The following CCDC178 variants were observed in gnomAD, a reference collection of about 807,000 sequenced individuals.
CCDC178 encodes coiled-coil domain-containing protein 178.
A neutral mutation model predicts 117.4 loss-of-function variants in CCDC178; 126 were observed. The observed-to-expected ratio is 1.07, with a 90% CI of 0.93 to 1.24. The LOEUF (loss-of-function observed/expected upper bound fraction) is 1.24. Among genes scored for constraint, CCDC178 ranks in the 50% most tolerant of loss-of-function variants. The pLI is 0.00. For missense variants in CCDC178, 1,030 were observed against 986.9 expected (o/e 1.04, Z -0.59); for synonymous variants, 283 against 313.4 (o/e 0.90, Z 1.02).
intron 2 of CCDC178, 42 bp downstream of exon 2, chr18:33,439,918 CTT>C (rs1477169452): frequency 6.6e-6 from 1 of 152,170 alleles, no homozygotes; most frequent in Admixed American, 6.5e-5. Context: ...CTGGATCTGA[CTT>C]TTGTCAAATC....
chr18:33,090,877 T>A (rs1203216297), intron 21 of CCDC178, among the ~76,000 whole-genome samples: 1 of 152,368 alleles, frequency 6.6e-6, no homozygotes, highest in Admixed American at 6.5e-5. Context: ...TCAGTCCTTG[T>A]ATCTTGCATC....
intron 5 of CCDC178, among the ~76,000 whole-genome samples, chr18:33,378,990 G>T (rs1599244161): frequency 6.6e-6 from 1 of 151,302 alleles, no homozygotes; most frequent in Non-Finnish European, 1.5e-5. Flanking sequence ...TTGATATTTT[G>T]TAATAGTTTC....
chr18:33,326,741 T>A (rs1330460628), intron 10 of CCDC178, among the ~76,000 whole-genome samples: 2 of 151,922 alleles, frequency 1.3e-5, no homozygotes, highest in Non-Finnish European at 2.9e-5. Context: ...ATTGCATACC[T>A]TCTCGGTGGT....
At chr18:33,038,819 C>G (rs2056492988) in intron 21 of CCDC178, among the ~76,000 whole-genome samples, 1 of 151,962 alleles carries the variant, frequency 6.6e-6, no homozygotes, top group Admixed American at 6.6e-5. Flanking sequence ...CCATTCACCT[C>G]TGGCTAATGA....
chr18:33,344,807 A>G (rs1423657604), intron 9 of CCDC178, among the ~76,000 whole-genome samples: 1 of 13,066 alleles, frequency 7.7e-5, no homozygotes, highest in African/African-American at 2.4e-4. Flanking sequence ...TCTAAAGCAC[A>G]CACACACACA....
intron 21 of CCDC178, among the ~76,000 whole-genome samples, chr18:33,009,786 T>C (rs1304703856): frequency 6.6e-6 from 1 of 152,170 alleles, no homozygotes; most frequent in Non-Finnish European, 1.5e-5. Flanking sequence ...ATCTGCAACA[T>C]CTTTGAATAA....
intron 21 of CCDC178, among the ~76,000 whole-genome samples, chr18:33,018,387 C>T (rs1239473733): frequency 1.3e-5 from 2 of 151,978 alleles, no homozygotes; most frequent in African/African-American, 4.8e-5. Flanking sequence ...CATATAGTTA[C>T]TATATAACTC....
At chr18:33,059,040 G>T (rs1301507805) in intron 21 of CCDC178, among the ~76,000 whole-genome samples, 8 of 152,100 alleles carry the variant, frequency 5.3e-5, no homozygotes, top group Admixed American at 5.2e-4. Flanking sequence ...GGAAAGAAGG[G>T]TCAACGACCT....
At chr18:33,414,813 C>A (rs1057141380) in intron 2 of CCDC178, among the ~76,000 whole-genome samples, 1 of 152,122 alleles carries the variant, frequency 6.6e-6, no homozygotes, top group African/African-American at 2.4e-5. Flanking sequence ...TGACAAAGGG[C>A]TAATATCCAG....
At chr18:33,227,544 GTGTGTGTGTGTGTATATA>G (rs1231793999) in intron 15 of CCDC178, among the ~76,000 whole-genome samples, 6 of 85,890 alleles carry the variant, frequency 7.0e-5, no homozygotes, top group Non-Finnish European at 1.3e-4. Context: ...GTGTGTGTGT[GTGTGTGTGTGTGTATATA>G]TATATATATA....
Position 33,008,147 on chromosome 18 carries a change from C to T in CCDC178, c.2389-33466G>A, listed in dbSNP as rs139522232. ...TTGTGCAACTTGAGGTCCAATGACA[C>T]TAAAGTGGGCAAACCAATAATTAGT... On this transcript the variant is annotated intron_variant, in intron 21 of 22. Transcript: ENST00000383096. 2.6e-5 allele frequency among the ~76,000 whole-genome samples: 4 copies of T among 151,148 alleles called. No individual in the cohort carries two copies. The East Asian group carries it at 7.7e-4, about 29-fold the overall frequency.
At chr18:33,033,385 T>C (rs2056383545) in intron 21 of CCDC178, among the ~76,000 whole-genome samples, 1 of 152,078 alleles carries the variant, frequency 6.6e-6, no homozygotes, top group Non-Finnish European at 1.5e-5. Context: ...GTTCTCAATC[T>C]TTCTGCATCT....
chr18:33,295,567 A>C (rs1266959260), intron 11 of CCDC178, among the ~76,000 whole-genome samples: 2 of 152,170 alleles, frequency 1.3e-5, no homozygotes, highest in African/African-American at 4.8e-5. Flanking sequence ...TTATATTTTC[A>C]AAATTAAAGA....
chr18:32,989,839 A>G (rs2144738542), intron 21 of CCDC178, among the ~76,000 whole-genome samples: 1 of 152,254 alleles, frequency 6.6e-6, no homozygotes, highest in Middle Eastern at 3.4e-3. Context: ...AAAAAAATAC[A>G]TATATGTCAA....
chr18:33,344,113 G>A (rs1412862615), intron 9 of CCDC178, among the ~76,000 whole-genome samples: 3 of 150,294 alleles, frequency 2.0e-5, no homozygotes, highest in African/African-American at 7.3e-5. Flanking sequence ...GACCATCCTG[G>A]CTAACAAGGC....
intron 20 of CCDC178, among the ~76,000 whole-genome samples, chr18:33,196,587 A>T (rs1315784565): frequency 6.6e-6 from 1 of 152,024 alleles, no homozygotes; most frequent in East Asian, 1.9e-4. Context: ...TCTGGTGGGG[A>T]CTGTGCTCTC....
At chr18:33,395,208 G>A (rs902563496) in intron 4 of CCDC178, among the ~76,000 whole-genome samples, 1 of 151,050 alleles carries the variant, frequency 6.6e-6, no homozygotes, top group Non-Finnish European at 1.5e-5. Context: ...TAAGTGATTC[G>A]TGAAATCGGA....
intron 20 of CCDC178, among the ~76,000 whole-genome samples, chr18:33,174,618 A>G (rs1011962403): frequency 1.3e-5 from 2 of 152,180 alleles, no homozygotes; most frequent in East Asian, 1.9e-4. Flanking sequence ...CCACCTGAGG[A>G]TAAGACAAAT....
At chr18:33,283,437 T>C (rs1046726295) in intron 12 of CCDC178, among the ~76,000 whole-genome samples, 1 of 151,904 alleles carries the variant, frequency 6.6e-6, no homozygotes, top group Non-Finnish European at 1.5e-5. Flanking sequence ...AATTAAACAG[T>C]TTCTGCACAG....
Sources: allele counts gnomAD v4.1 joint callset (sites outside exome capture counted in the v4.1 genomes callset), GRCh38; gene constraint gnomAD v4.1.1; transcripts MANE v1.5; gene names NCBI Gene and HGNC (gene_info 2026-07-23, HGNC 2026-07-21).